Variants in ALG13 observed in about 807,000 individuals in gnomAD.
ALG13 encodes UDP-N-acetylglucosamine transferase subunit ALG13.
A neutral mutation model predicts 87.8 loss-of-function variants in ALG13; 11 were observed. The ratio of observed to expected loss-of-function variants is 0.13; its 90% CI spans 0.08 to 0.21. ALG13 has a LOEUF of 0.21. ALG13 is among the 10% of genes least tolerant of loss of function. ALG13 has a pLI of 1.00. For synonymous variants in ALG13, 320 were observed against 306.3 expected, an observed-to-expected ratio of 1.04 and a Z score of -0.47; for missense variants, 756 against 866.1, an observed-to-expected ratio of 0.87 and a Z score of 1.60.
rs1378610657 is a variant in ALG13, at chrX:111,690,033, A to G, written c.383+4930A>G. The G allele has an allele frequency of 4.0e-6, 3 of 747,509 alleles. No homozygotes were observed. The African/African-American group carries it at 7.0e-5, about 17-fold the overall frequency. 61.6% of individuals were successfully genotyped at this position (747,509 alleles called of 1,213,427 possible). Reference sequence around the variant, plus strand: ...AGTAGATTGAATAAATTAAGACTTTAAGACAGAATTGTAGACTTTTGGAGT... The same window carrying G: ...AGTAGATTGAATAAATTAAGACTTTGAGACAGAATTGTAGACTTTTGGAGT... On this transcript the variant is annotated intron_variant, in intron 3 of 26. Coordinates refer to ENST00000394780, the MANE Select transcript of ALG13 (RefSeq NM_001099922.3).
At chrX:111,755,914 T>C (rs1001695586) in intron 25 of ALG13, among the ~76,000 whole-genome samples, 1 of 112,696 alleles carries the variant, frequency 8.9e-6, no homozygotes, top group African/African-American at 3.2e-5. Context: ...ATCCCATTAC[T>C]GGGTATATAC....
chrX:111,740,519 A>G (rs919215770), intron 23 of ALG13, among the ~76,000 whole-genome samples: 3 of 111,428 alleles, frequency 2.7e-5, no homozygotes, highest in Non-Finnish European at 5.6e-5. Flanking sequence ...TTGTGGTCTT[A>G]AAATACCATT....
intron 13 of ALG13, among the ~76,000 whole-genome samples, chrX:111,723,095 A>G (rs1941577473): frequency 9.1e-6 from 1 of 109,474 alleles, no homozygotes; most frequent in Non-Finnish European, 1.9e-5. Flanking sequence ...GGCTGGGACT[A>G]CAGGCACATA....
At chrX:111,681,416 C>G in intron 1 of ALG13, 117 bp downstream of exon 1, 1 of 1,156,417 alleles carries the variant, frequency 8.6e-7, no homozygotes, top group Non-Finnish European at 1.1e-6. Context: ...CCCCGCAACT[C>G]TACCACAGGT....
At chrX:111,695,961 G>A (rs7054608) in intron 3 of ALG13, among the ~76,000 whole-genome samples, 8,753 of 111,187 alleles carry the variant, frequency 0.079, 880 homozygotes, top group African/African-American at 0.27. Context: ...ACCCTAAAAA[G>A]AGGTTCTGTA....
At chrX:111,689,294 C>T in intron 3 of ALG13, 2 of 751,385 alleles carry the variant, frequency 2.7e-6, no homozygotes, top group Non-Finnish European at 3.1e-6. Flanking sequence ...GGGAGAGAAT[C>T]TTTAGTGTTT....
At chrX:111,732,503 A>G (rs1942806672) in intron 21 of ALG13, among the ~76,000 whole-genome samples, 1 of 112,127 alleles carries the variant, frequency 8.9e-6, no homozygotes, top group Non-Finnish European at 1.9e-5. Context: ...CATCATGATC[A>G]TCACAGCAGG....
rs1279038398 is a variant in ALG13, at chrX:111,681,315, G to A, written c.81+16G>A. 8.3e-7 allele frequency: 1 copy of A among 1,210,640 alleles called. No homozygotes were observed. The highest frequency in any genetic ancestry group is 1.1e-6 in the Non-Finnish European group (1 of 894,889). On this transcript the variant is annotated intron_variant, in intron 1 of 26. Coordinates refer to ENST00000394780, the MANE Select transcript of ALG13 (RefSeq NM_001099922.3). ...CAGTCTGCAAGTGAGTGAGGGAGGC[G>A]AGCAGGCGGCGGCTTGGCTCGCCAC...
At position 111,735,712 on chromosome X, in the gene ALG13, G is replaced by A. The variant is rs192965306; in HGVS notation, c.2529+590G>A. ...TCAAGCAACATAAGACTTAACAAAA[G>A]TCTACTAAGATTTGTTGACATAGAG... On this transcript the variant is annotated intron_variant, in intron 22 of 26. Transcript: ENST00000394780. 2.4e-3 allele frequency among the ~76,000 whole-genome samples: 270 copies of A among 111,155 alleles called. 3 individuals carry two copies. Among genetic ancestry groups the A allele is most frequent in the African/African-American group, 8.5e-3 (261 of 30,591 alleles).
chrX:111,750,453 A>G (rs1248358874), intron 24 of ALG13, among the ~76,000 whole-genome samples: 3 of 111,138 alleles, frequency 2.7e-5, no homozygotes, highest in African/African-American at 9.8e-5. Flanking sequence ...GGCATACTCC[A>G]TTTTGTTGCA....
intron 23 of ALG13, among the ~76,000 whole-genome samples, chrX:111,740,849 GA>G (rs771038392): frequency 7.1e-5 from 8 of 112,303 alleles, no homozygotes; most frequent in Non-Finnish European, 1.3e-4. Context: ...TAATTTTCTT[GA>G]AAACTGGAAC....
intron 8 of ALG13, among the ~76,000 whole-genome samples, chrX:111,713,887 T>C (rs1292337674): frequency 8.9e-6 from 1 of 112,419 alleles, no homozygotes; most frequent in Admixed American, 9.4e-5. Flanking sequence ...ATAAATTGTT[T>C]GTCAGCATAC....
intron 23 of ALG13, among the ~76,000 whole-genome samples, chrX:111,741,881 A>T (rs192835066): frequency 2.4e-4 from 27 of 111,137 alleles, no homozygotes; most frequent in African/African-American, 8.2e-4. Context: ...ATGATGATAT[A>T]TTTTTTTCAC....
At chrX:111,737,643 T>C (rs1943365312) in intron 23 of ALG13, among the ~76,000 whole-genome samples, 1 of 111,922 alleles carries the variant, frequency 8.9e-6, no homozygotes, top group Non-Finnish European at 1.9e-5. Context: ...TCAGGGTCTA[T>C]GAGGGAGCAA....
intron 24 of ALG13, among the ~76,000 whole-genome samples, chrX:111,748,932 A>T (rs935341032): frequency 4.5e-5 from 5 of 110,259 alleles, no homozygotes; most frequent in Admixed American, 1.9e-4. Flanking sequence ...AAAATACAAA[A>T]ATTAGCTGGG....
At chrX:111,682,942 G>A (rs1313333376) in intron 2 of ALG13, among the ~76,000 whole-genome samples, 9 of 111,605 alleles carry the variant, frequency 8.1e-5, no homozygotes, top group Non-Finnish European at 1.5e-4. Flanking sequence ...GCATTCAGAA[G>A]AACTGCTTTT....
At position 111,756,255 on chromosome X, in the gene ALG13, C is replaced by T. The variant is rs139404971; in HGVS notation, c.2974-1333C>T. ...GGAGGTGAACATCACACATTGGGGC[C>T]TGTCGCGGGGTTGGGGGCAAAGGGA... On this transcript the variant is annotated intron_variant, in intron 25 of 26. Coordinates refer to ENST00000394780, the MANE Select transcript of ALG13 (RefSeq NM_001099922.3). Among the ~76,000 whole-genome samples the T allele has an allele frequency of 2.5e-3, 282 of 110,825 alleles. 1 individual carries two copies. The highest frequency in any genetic ancestry group is 0.022 in the Admixed American group (227 of 10,430).
At chrX:111,712,958 GATAATTGGTTGTCTTTACCCCTTC>G (rs1185410344) in intron 7 of ALG13, among the ~76,000 whole-genome samples, 4 of 110,865 alleles carry the variant, frequency 3.6e-5, no homozygotes, top group African/African-American at 1.3e-4. Flanking sequence ...ACATACAATT[GATAATTGGTTGTCTTTACCCCTTC>G]TCCTCCCAAA....
chrX:111,722,805 C>T lies in ALG13; in HGVS notation c.1448C>T (p.Ser483Phe), dbSNP rs768863519. The change falls in exon 13 of 27, where the codon TCT (serine) becomes TTT (phenylalanine). Residue 483 changes from serine to phenylalanine, a missense_variant. By Grantham distance (155) the Ser-to-Phe change is radical. Around this residue, in one of 9 missense-constraint regions of ALG13, gnomAD observed 362 missense variants for 383.5 expected, o/e 0.94. Coordinates refer to ENST00000394780, the MANE Select transcript of ALG13 (RefSeq NM_001099922.3). ...TTTCTTTTAATAGAACTTCAAAAAT[C>T]TGATTACATGGAGTATGCTGGGAGA... The part of the protein sequence containing the change: ...WLDSRKELQK[S>F]DYMEYAGRQY... 1 of 1,197,003 alleles carries T rather than the reference C, an allele frequency of 8.4e-7. No individual in the cohort carries two copies. The highest frequency in any genetic ancestry group is 1.1e-6 in the Non-Finnish European group (1 of 885,207).
Sources: gnomAD v4.1 joint callset for allele counts (sites outside exome capture counted in the v4.1 genomes callset) on GRCh38, gnomAD v4.1.1 for gene constraint, gnomAD v4.1.1 regional missense constraint, MANE v1.5 for transcripts, NCBI Gene and HGNC (gene_info 2026-07-23, HGNC 2026-07-21) for gene names.